Variants in BRD10 observed in about 807,000 individuals in gnomAD.
BRD10 encodes the protein uncharacterized bromodomain-containing protein 10.
chr9:5,919,585 A>ACACACAG, the BRD10 span: 2 of 351,160 alleles, frequency 5.7e-6, no homozygotes, highest in Non-Finnish European at 4.5e-6. Context: ...CACACACACA[A>ACACACAG]TGTATAGTAT....
the BRD10 span, among the ~76,000 whole-genome samples, chr9:5,882,443 A>G: frequency 6.6e-6 from 1 of 152,234 alleles, no homozygotes. Context: ...TAATGTTAAG[A>G]AAACCCTGAC....
chr9:5,988,751 C>A, the BRD10 span, among the ~76,000 whole-genome samples: 8 of 151,000 alleles, frequency 5.3e-5, no homozygotes, highest in Non-Finnish European at 7.4e-5. Flanking sequence ...CTCTTCCCTG[C>A]ATTAAAAAAA....
At chr9:5,986,809 T>A in the BRD10 span, among the ~76,000 whole-genome samples, 1 of 152,222 alleles carries the variant, frequency 6.6e-6, no homozygotes, top group Non-Finnish European at 1.5e-5. Flanking sequence ...ATAGATTGAT[T>A]CATATTCATA....
chr9:5,998,570 C>G, the BRD10 span, among the ~76,000 whole-genome samples: 1 of 151,986 alleles, frequency 6.6e-6, no homozygotes. Context: ...CATAAGCAAC[C>G]AAGCATGATG....
the BRD10 span, among the ~76,000 whole-genome samples, chr9:5,976,156 C>T: frequency 2.6e-5 from 4 of 152,016 alleles, no homozygotes; most frequent in Admixed American, 6.6e-5. Flanking sequence ...CTTTTAGTAG[C>T]CTTAAAGATA....
At chr9:5,970,607 T>G in the BRD10 span, among the ~76,000 whole-genome samples, 6 of 152,094 alleles carry the variant, frequency 3.9e-5, no homozygotes, top group Non-Finnish European at 5.9e-5. Flanking sequence ...CTAGAAAAAT[T>G]TCTGCTTTTA....
chr9:5,975,439 CAAAAAAAAAAAAA>C, the BRD10 span, among the ~76,000 whole-genome samples: 3 of 61,246 alleles, frequency 4.9e-5, no homozygotes, highest in East Asian at 6.9e-4. Flanking sequence ...AACTCCATCT[CAAAAAAAAAAAAA>C]AAAAAAAAAA....
the BRD10 span, among the ~76,000 whole-genome samples, chr9:6,005,715 C>A: frequency 6.6e-6 from 1 of 152,262 alleles, no homozygotes; most frequent in South Asian, 2.1e-4. Flanking sequence ...TTCATAACTT[C>A]AAAATAATAA....
At chr9:5,912,055 T>C in the BRD10 span, among the ~76,000 whole-genome samples, 2 of 152,190 alleles carry the variant, frequency 1.3e-5, no homozygotes, top group African/African-American at 2.4e-5. Context: ...TGTGTTCTCT[T>C]TGATTTCTTT....
the BRD10 span, chr9:5,892,601 C>T: frequency 1.4e-5 from 22 of 1,524,138 alleles, no homozygotes; most frequent in Non-Finnish European, 2.0e-5. Flanking sequence ...CGTTTGCTGA[C>T]ACAGCCTGCT....
chr9:6,006,902 C>T, the BRD10 span, among the ~76,000 whole-genome samples: 2 of 152,222 alleles, frequency 1.3e-5, no homozygotes, highest in African/African-American at 4.8e-5. Context: ...TCTGCCTACA[C>T]GTGCAATTCT....
the BRD10 span, among the ~76,000 whole-genome samples, chr9:5,930,120 G>GTT: frequency 9.4e-5 from 13 of 137,926 alleles, 1 homozygote; most frequent in African/African-American, 2.4e-4. Context: ...AATCATGTTG[G>GTT]GTTTTTTTTT....
At chr9:5,945,839 G>A in the BRD10 span, among the ~76,000 whole-genome samples, 5 of 151,824 alleles carry the variant, frequency 3.3e-5, no homozygotes, top group African/African-American at 9.7e-5. Flanking sequence ...AACTACAACC[G>A]AATAGAGAGG....
At chr9:5,897,010 T>C in the BRD10 span, among the ~76,000 whole-genome samples, 1 of 152,224 alleles carries the variant, frequency 6.6e-6, no homozygotes, top group Non-Finnish European at 1.5e-5. Context: ...CTCTGTATGA[T>C]CACCAGCGAG....
the BRD10 span, among the ~76,000 whole-genome samples, chr9:5,960,806 C>G: frequency 6.6e-6 from 1 of 152,018 alleles, no homozygotes. Flanking sequence ...TTGAAAACAA[C>G]CAAAATGTCC....
chr9:5,920,016 C>G, the BRD10 span: 1 of 1,613,992 alleles, frequency 6.2e-7, no homozygotes, highest in African/African-American at 1.3e-5. Context: ...GGAGGTGGAA[C>G]AGGAACCTTA....
At chr9:5,893,538 G>C in the BRD10 span, among the ~76,000 whole-genome samples, 3 of 152,090 alleles carry the variant, frequency 2.0e-5, no homozygotes. Flanking sequence ...TAATATCCCT[G>C]GCCAATTGGA....
chr9:5,919,836 T>C, the BRD10 span: 3 of 1,613,932 alleles, frequency 1.9e-6, no homozygotes, highest in Non-Finnish European at 2.5e-6. Context: ...GTATTCAAAA[T>C]GGCTCCTTCT....
the BRD10 span, among the ~76,000 whole-genome samples, chr9:5,886,767 A>G: frequency 1.3e-5 from 2 of 149,222 alleles, no homozygotes; most frequent in African/African-American, 5.2e-5. Flanking sequence ...GGGAACTTCT[A>G]GGGGGCTTCC....
Sources: gnomAD v4.1 joint callset for allele counts (sites outside exome capture counted in the v4.1 genomes callset) on GRCh38, gnomAD v4.1.1 for gene constraint, MANE v1.5 for transcripts, NCBI Gene and HGNC (gene_info 2026-07-23, HGNC 2026-07-21) for gene names.